Variants in AGAP1 observed in about 807,000 individuals in gnomAD.
AGAP1 encodes arf-GAP with GTPase, ANK repeat and PH domain-containing protein 1.
Under a neutral mutation model 105.3 loss-of-function variants are expected in AGAP1, and 29 were observed. The ratio of observed to expected loss-of-function variants is 0.28; its 90% CI spans 0.21 to 0.38. The LOEUF (loss-of-function observed/expected upper bound fraction) is 0.38, where lower values mean the gene tolerates loss of function less well. Ranked by LOEUF, AGAP1 falls within the 10% of genes least tolerant of loss-of-function variation. The pLI, the probability that AGAP1 is intolerant of heterozygous loss-of-function variation, is 1.00. For synonymous variants in AGAP1, 509 were observed against 485.9 expected, an observed-to-expected ratio of 1.05 and a Z score of -0.63; for missense variants, 998 against 1,165.1, an observed-to-expected ratio of 0.86 and a Z score of 2.09.
At chr2:235,834,117 G>A (rs372362062) in intron 9 of AGAP1, among the ~76,000 whole-genome samples, 7 of 152,126 alleles carry the variant, frequency 4.6e-5, no homozygotes, top group Non-Finnish European at 2.9e-5. Flanking sequence ...TCATTTGCCC[G>A]GTTGGAACAG....
At chr2:235,696,440 G>A (rs1341350187) in intron 1 of AGAP1, among the ~76,000 whole-genome samples, 1 of 152,164 alleles carries the variant, frequency 6.6e-6, no homozygotes, top group African/African-American at 2.4e-5. Context: ...GGTGCACAGT[G>A]GACATTTCAG....
At chr2:235,870,898 C>T (rs762248382) in intron 9 of AGAP1, among the ~76,000 whole-genome samples, 46 of 152,332 alleles carry the variant, frequency 3.0e-4, no homozygotes, top group Non-Finnish European at 5.7e-4. Flanking sequence ...TCTTTCTGAA[C>T]TTTCTCTGTG....
chr2:235,729,077 A>G lies in AGAP1; in HGVS notation c.310+11433A>G, dbSNP rs955561340. ...GTGGCTGGGCTCCAGGGCTCCAGCC[A>G]GGCTATTAGCAGGAGCACTGGCTTT... is the stretch of plus-strand genomic sequence containing the variant. On this transcript the variant is annotated intron_variant, in intron 3 of 17. Coordinates refer to ENST00000304032, the MANE Select transcript of AGAP1 (RefSeq NM_001037131.3). This position sits in a 1 kb window ranked among gnomAD's most constrained non-coding sequence, Gnocchi z 5.0. 1.3e-5 allele frequency among the ~76,000 whole-genome samples: 2 copies of G among 152,122 alleles called. No homozygotes were observed. The highest frequency in any genetic ancestry group is 2.9e-5 in the Non-Finnish European group (2 of 68,020).
At position 236,124,085 on chromosome 2, in the gene AGAP1, G is replaced by C; in HGVS notation, c.2537G>C (p.Arg846Pro). ...TPNLSRRNNN[R>P]NNSSGRVPTI... The stretch of plus-strand genomic sequence containing the variant: ...AACCTGTCCAGGAGAAACAATAACC[G>C]GAACAACAGCAGTGGGAGGGTGCCC... The change falls in exon 18 of 18, where the codon CGG becomes CCG. Residue 846 changes from arginine to proline, a missense_variant. Transcript: ENST00000304032. This position sits in a 1 kb window ranked among gnomAD's most constrained non-coding sequence, Gnocchi z 5.1. 5.0e-6 allele frequency: 8 copies of C among 1,614,054 alleles called. No individual in the cohort carries two copies. Among genetic ancestry groups the C allele is most frequent in the Non-Finnish European group, 6.8e-6 (8 of 1,179,972 alleles).
intron 9 of AGAP1, among the ~76,000 whole-genome samples, chr2:235,838,066 G>A (rs1960374256): frequency 6.6e-6 from 1 of 152,124 alleles, no homozygotes; most frequent in Non-Finnish European, 1.5e-5. Context: ...TGCACATGTA[G>A]TCCCAGCTAC....
At position 235,966,979 on chromosome 2, in the gene AGAP1, T is replaced by G. The variant is rs13423566; in HGVS notation, c.1484-1483T>G. On this transcript the variant is annotated intron_variant, in intron 12 of 17. Coordinates refer to ENST00000304032, the MANE Select transcript of AGAP1 (RefSeq NM_001037131.3). ...CTTCACAAAATAAAAATATTTTCAA[T>G]TCATTTTGATTTCCATTATCTTTGT... Among the ~76,000 whole-genome samples, 1,292 of 152,344 alleles carry G rather than the reference T, an allele frequency of 8.5e-3. 17 individuals carry two copies. Among genetic ancestry groups the G allele is most frequent in the African/African-American group, 0.03 (1,230 of 41,580 alleles).
Position 235,873,258 on chromosome 2 carries a change from C to G in AGAP1, c.1051-10087C>G, listed in dbSNP as rs552546212. Among the ~76,000 whole-genome samples the G allele has an allele frequency of 4.0e-4, 61 of 152,286 alleles. 1 individual carries two copies. The South Asian group carries it at 0.013, about 32-fold the overall frequency. ...AATCAGTGTTCAGAATTAATTTAAG[C>G]CAAGAAAGAAAAAGCATGTTTTTAA... On this transcript the variant is annotated intron_variant, in intron 9 of 17. Coordinates refer to ENST00000304032, the MANE Select transcript of AGAP1 (RefSeq NM_001037131.3).
At chr2:235,511,996 A>T (rs1559212936) in intron 1 of AGAP1, among the ~76,000 whole-genome samples, 1 of 72,384 alleles carries the variant, frequency 1.4e-5, no homozygotes, top group East Asian at 7.3e-4. Flanking sequence ...GCGTGTGTGA[A>T]TGCGTGTGTG....
chr2:235,817,619 G>A (rs1027318260), intron 9 of AGAP1, among the ~76,000 whole-genome samples: 6 of 152,090 alleles, frequency 3.9e-5, no homozygotes, highest in African/African-American at 7.2e-5. Context: ...GGTTGGGTGC[G>A]GTGCGTCATG....
intron 1 of AGAP1, among the ~76,000 whole-genome samples, chr2:235,499,342 G>A (rs1224500360): frequency 6.6e-6 from 1 of 152,194 alleles, no homozygotes; most frequent in African/African-American, 2.4e-5. Context: ...AGAAGCATTT[G>A]TTTTCATGTG....
intron 13 of AGAP1, among the ~76,000 whole-genome samples, chr2:236,033,696 A>G (rs76451147): frequency 0.024 from 3,680 of 152,310 alleles, 162 homozygotes; most frequent in African/African-American, 0.084. Context: ...CCCAGTGCCT[A>G]GCACGTTGGG....
chr2:235,782,212 T>C (rs1411851802), intron 6 of AGAP1, among the ~76,000 whole-genome samples: 1 of 152,018 alleles, frequency 6.6e-6, no homozygotes, highest in African/African-American at 2.4e-5. Flanking sequence ...TCAATCTATT[T>C]GAAGGATAAC....
chr2:236,023,237 T>C (rs2056942370), intron 13 of AGAP1, among the ~76,000 whole-genome samples: 1 of 152,106 alleles, frequency 6.6e-6, no homozygotes, highest in Non-Finnish European at 1.5e-5. Context: ...CAGGAACAGT[T>C]AGGAATGTCT....
chr2:235,654,548 T>A (rs1947711999), intron 1 of AGAP1, among the ~76,000 whole-genome samples: 1 of 152,170 alleles, frequency 6.6e-6, no homozygotes, highest in South Asian at 2.1e-4. Context: ...TAAAGAATGG[T>A]TCACCAAGTC....
rs1256609852 is a variant in AGAP1 at position 235,824,784 on chromosome 2, AAC to A, written c.1050+17457_1050+17458del. Among the ~76,000 whole-genome samples the A allele has an allele frequency of 1.3e-5, 2 of 152,132 alleles. No individual in the cohort carries two copies. The highest frequency in any genetic ancestry group is 4.8e-5 in the African/African-American group (2 of 41,426). ...CGGTACCAAGAAATGCTCAACCTAA[AAC>A]ACAACTGTGTTTTTCTCAGGCATAT... On this transcript the variant is annotated intron_variant, in intron 9 of 17. Coordinates refer to ENST00000304032, the MANE Select transcript of AGAP1 (RefSeq NM_001037131.3). This position sits in a 1 kb window ranked among gnomAD's most constrained non-coding sequence, Gnocchi z 5.2.
At chr2:235,768,852 G>A (rs1181862559) in intron 6 of AGAP1, among the ~76,000 whole-genome samples, 4 of 152,220 alleles carry the variant, frequency 2.6e-5, no homozygotes, top group African/African-American at 4.8e-5. Context: ...TTTGGCCAGC[G>A]CTGCAGCTTC....
chr2:235,671,902 AAC>A (rs1346844333), intron 1 of AGAP1, among the ~76,000 whole-genome samples: 1 of 152,030 alleles, frequency 6.6e-6, no homozygotes, highest in Non-Finnish European at 1.5e-5. Context: ...GAAACCTCAA[AAC>A]ACAGACTCCA....
chr2:235,720,751 T>C lies in AGAP1; in HGVS notation c.310+3107T>C, dbSNP rs1350813045. 3 of 977,008 alleles carry C rather than the reference T, an allele frequency of 3.1e-6. No individual in the cohort carries two copies. The highest frequency in any genetic ancestry group is 3.6e-6 in the Non-Finnish European group (3 of 822,420). The allele number at this position is 977,008 out of a possible 1,614,324, so 60.5% of individuals were successfully genotyped here. A position where few individuals can be genotyped will look rare whatever the true frequency, so the allele number is the denominator to read the frequency against. On this transcript the variant is annotated intron_variant, in intron 3 of 17. Transcript: ENST00000304032. This position sits in a 1 kb window ranked among gnomAD's most constrained non-coding sequence, Gnocchi z 5.0. ...TTATGTCATAATCCTGACCCGTGGCTGGGATATGTAGACTGCTGGGAGGGG... is the reference window on the plus strand; with the variant it reads ...TTATGTCATAATCCTGACCCGTGGCCGGGATATGTAGACTGCTGGGAGGGG...
Position 235,957,994 on chromosome 2 carries a change from C to G in AGAP1, c.1484-10468C>G, listed in dbSNP as rs1420690505. On this transcript the variant is annotated intron_variant, in intron 12 of 17. Transcript: ENST00000304032. This position sits in a 1 kb window ranked among gnomAD's most constrained non-coding sequence, Gnocchi z 4.6. ...AAATTAAGGTGTGGGTGGAAGTCAG[C>G]AGGGGCAGGGGGCCGATACATACGT... 1.3e-5 allele frequency among the ~76,000 whole-genome samples: 2 copies of G among 152,206 alleles called. No individual in the cohort carries two copies. Among genetic ancestry groups the G allele is most frequent in the African/African-American group, 2.4e-5 (1 of 41,448 alleles).
Sources: gnomAD v4.1 joint callset for allele counts (sites outside exome capture counted in the v4.1 genomes callset) on GRCh38, gnomAD v4.1.1 for gene constraint, Gnocchi (gnomAD v3.1) non-coding constraint, MANE v1.5 for transcripts, NCBI Gene and HGNC (gene_info 2026-07-23, HGNC 2026-07-21) for gene names.